Variants in MYO18B observed in about 807,000 individuals in gnomAD.
The protein encoded by MYO18B is myosin XVIIIB, also known as unconventional myosin-XVIIIb.
Under a neutral mutation model 273.0 loss-of-function variants are expected in MYO18B, and 204 were observed. That is an observed-to-expected ratio of 0.75 (90% CI 0.67 to 0.84). The LOEUF (loss-of-function observed/expected upper bound fraction) is 0.84. Among genes scored for constraint, MYO18B ranks in the 40% least tolerant of loss-of-function variants. MYO18B has a pLI of 0.00. For synonymous variants in MYO18B, 1,330 were observed against 1,305.7 expected (o/e 1.02, Z -0.40); for missense variants, 3,212 against 3,287.6 (o/e 0.98, Z 0.56).
chr22:25,943,436 C>T (rs926105907), intron 34 of MYO18B, among the ~76,000 whole-genome samples: 2 of 152,152 alleles, frequency 1.3e-5, no homozygotes, highest in African/African-American at 2.4e-5. Context: ...CACCTACCTC[C>T]TTAGAAACCA....
chr22:25,783,007 C>T (rs191293522), intron 10 of MYO18B, among the ~76,000 whole-genome samples: 5 of 152,334 alleles, frequency 3.3e-5, no homozygotes. Context: ...CTCTCTGAGC[C>T]TGACTTTCCT....
At chr22:26,023,940 C>T (rs1399307245) in intron 42 of MYO18B, among the ~76,000 whole-genome samples, 1 of 152,232 alleles carries the variant, frequency 6.6e-6, no homozygotes, top group Non-Finnish European at 1.5e-5. Flanking sequence ...CCTCCATCTC[C>T]TCTTCCAGCC....
intron 10 of MYO18B, among the ~76,000 whole-genome samples, chr22:25,784,670 C>G (rs1327051110): frequency 6.6e-6 from 1 of 152,192 alleles, no homozygotes; most frequent in Non-Finnish European, 1.5e-5. Flanking sequence ...GGATCCTAGG[C>G]TGGGCTCTAC....
At chr22:25,876,437 T>C in intron 24 of MYO18B, 105 bp downstream of exon 24, 1 of 1,292,928 alleles carries the variant, frequency 7.7e-7, no homozygotes, top group Non-Finnish European at 1.0e-6. Flanking sequence ...GTTCTTGATC[T>C]AGGAATGCTC....
intron 34 of MYO18B, among the ~76,000 whole-genome samples, chr22:25,931,770 C>T (rs1369175941): frequency 6.9e-6 from 1 of 145,714 alleles, no homozygotes; most frequent in South Asian, 2.2e-4. Flanking sequence ...GCAGCCTCAA[C>T]ATTTCAGGCT....
intron 40 of MYO18B, among the ~76,000 whole-genome samples, chr22:25,993,880 T>C (rs7286230): frequency 0.46 from 69,432 of 151,896 alleles, 16,879 homozygotes; most frequent in African/African-American, 0.62. Flanking sequence ...ATTCTAACAC[T>C]GAGGAAAGGC....
At chr22:25,868,200 TC>T in intron 21 of MYO18B, 119 bp from the exon 22 acceptor site, 1 of 813,250 alleles carries the variant, frequency 1.2e-6, no homozygotes, top group Non-Finnish European at 2.0e-6. Flanking sequence ...TAGCCAAAGC[TC>T]ACAGACATGT....
chr22:26,058,171 T>G, the MYO18B span, among the ~76,000 whole-genome samples: 2 of 152,198 alleles, frequency 1.3e-5, no homozygotes, highest in African/African-American at 4.8e-5. Context: ...CCAAAGTAAT[T>G]TATTTCAAAG....
intron 6 of MYO18B, 67 bp from the exon 7 acceptor site, chr22:25,772,267 G>C: frequency 6.7e-7 from 1 of 1,501,584 alleles, no homozygotes; most frequent in Non-Finnish European, 9.1e-7. Context: ...GTTGCGGGGG[G>C]GTGGGGTGGG....
At chr22:25,950,314 A>G (rs1196908791) in intron 36 of MYO18B, 53 bp from the exon 37 acceptor site, 1 of 1,479,538 alleles carries the variant, frequency 6.8e-7, no homozygotes, top group East Asian at 2.5e-5. Context: ...GTTTCCCAGC[A>G]AGGCTTGTGG....
the MYO18B span, among the ~76,000 whole-genome samples, chr22:26,054,698 T>A: frequency 6.6e-6 from 1 of 152,116 alleles, no homozygotes; most frequent in African/African-American, 2.4e-5. Flanking sequence ...GAGCCTTGAT[T>A]TTTTCCTCAC....
At chr22:25,924,065 G>A (rs1192591810) in intron 34 of MYO18B, among the ~76,000 whole-genome samples, 3 of 152,306 alleles carry the variant, frequency 2.0e-5, no homozygotes, top group East Asian at 3.9e-4. Context: ...TTTCGTTGCT[G>A]TTGTCATGGA....
Position 25,921,115 on chromosome 22 carries a change from C to G in MYO18B, c.5365-142C>G, listed in dbSNP as rs542869598. The G allele has an allele frequency of 8.8e-6, 7 of 793,712 alleles. No homozygotes were observed. In the Admixed American group the frequency reaches 2.1e-4, roughly 23 times the overall value. 49.2% of individuals were successfully genotyped at this position (793,712 alleles called of 1,614,324 possible). A position where few individuals can be genotyped will look rare whatever the true frequency, so the allele number is the denominator to read the frequency against. ...TTTCTCAGTTGAGGAAACTGAGGCT[C>G]GGAGAGGAGAATGGTCTTGTCCAAG... is the stretch of plus-strand genomic sequence containing the variant. On this transcript the variant is annotated intron_variant, in intron 33 of 43. Coordinates refer to ENST00000335473, the MANE Select transcript of MYO18B (RefSeq NM_032608.7).
chr22:25,769,522 G>T (rs976677773), intron 4 of MYO18B, 94 bp downstream of exon 4: 102 of 1,212,694 alleles, frequency 8.4e-5, no homozygotes, highest in Non-Finnish European at 1.1e-4. Flanking sequence ...ATGGACAAGG[G>T]GTGGACGGGG....
rs1294974926 is a variant in MYO18B, at chr22:25,898,165, G to A, written c.4669-142G>A. 39 of 859,848 alleles carry A rather than the reference G, an allele frequency of 4.5e-5. No homozygotes were observed. The Admixed American group carries it at 1.2e-3, about 26-fold the overall frequency. The allele number at this position is 859,848 out of a possible 1,614,324, so 53.3% of individuals were successfully genotyped here. A position where few individuals can be genotyped will look rare whatever the true frequency, so the allele number is the denominator to read the frequency against. On this transcript the variant is annotated intron_variant, in intron 28 of 43. Transcript: ENST00000335473. ...CTTCCTGGAGGTGACCCTGGAGGAAGGTAGTCAAGACAGGGTCTCCCCATT... is the reference window on the plus strand; with the variant it reads ...CTTCCTGGAGGTGACCCTGGAGGAAAGTAGTCAAGACAGGGTCTCCCCATT...
chr22:25,969,388 C>G (rs189286272), intron 39 of MYO18B, among the ~76,000 whole-genome samples: 1 of 152,342 alleles, frequency 6.6e-6, no homozygotes, highest in Admixed American at 6.5e-5. Flanking sequence ...CTTTTCCACC[C>G]TGGCCCCTGA....
At chr22:25,826,000 G>A (rs1192214296) in intron 13 of MYO18B, among the ~76,000 whole-genome samples, 1 of 152,144 alleles carries the variant, frequency 6.6e-6, no homozygotes, top group Non-Finnish European at 1.5e-5. Flanking sequence ...CTATCTTCAG[G>A]GCACGCCCAG....
chr22:25,950,363 C>T lies in MYO18B; in HGVS notation c.5749-4C>T, dbSNP rs1415523053. On this transcript the variant is annotated splice_polypyrimidine_tract_variant and splice_region_variant and intron_variant, in intron 36 of 43. Transcript: ENST00000335473. ...TATATACATTTTTTTTTTTGTCTCA[C>T]CAGTCTGCTGCTGACATTGGGCAGA... is the stretch of plus-strand genomic sequence containing the variant. 9 of 1,588,424 alleles carry T rather than the reference C, an allele frequency of 5.7e-6. No individual in the cohort carries two copies. Among genetic ancestry groups the T allele is most frequent in the South Asian group, 1.2e-5 (1 of 86,836 alleles).
rs911768654 is a variant in MYO18B, at chr22:25,769,929, C to T, written c.1513-181C>T. Reference sequence around the variant, plus strand: ...AGATGGTGCAGTGGTGTGATCTCGGCTCCACCTCCCGGGTCCGCAACGGGA... The same window carrying T: ...AGATGGTGCAGTGGTGTGATCTCGGTTCCACCTCCCGGGTCCGCAACGGGA... On this transcript the variant is annotated intron_variant, in intron 4 of 43. Coordinates refer to ENST00000335473, the MANE Select transcript of MYO18B (RefSeq NM_032608.7). The T allele has an allele frequency of 6.9e-5, 42 of 609,758 alleles. No homozygotes were observed. The Admixed American group carries it at 9.7e-4, about 14-fold the overall frequency. 37.8% of individuals were successfully genotyped at this position (609,758 alleles called of 1,614,324 possible). A position where few individuals can be genotyped will look rare whatever the true frequency, so the allele number is the denominator to read the frequency against.
Sources: allele counts gnomAD v4.1 joint callset (sites outside exome capture counted in the v4.1 genomes callset), GRCh38; gene constraint gnomAD v4.1.1; transcripts MANE v1.5; gene names NCBI Gene and HGNC (gene_info 2026-07-23, HGNC 2026-07-21).